The following PMM2 variants were observed in gnomAD, a reference collection of about 807,000 sequenced individuals.
The protein encoded by PMM2 is mannose-6-phosphate isomerase.
PMM2 carries 35 observed loss-of-function variants against 33.2 expected under a neutral mutation model. The ratio of observed to expected loss-of-function variants is 1.06; its 90% CI spans 0.81 to 1.40. The LOEUF (loss-of-function observed/expected upper bound fraction) is 1.40. Ranked by LOEUF, PMM2 falls within the 40% of genes most tolerant of loss-of-function variation. The pLI is 0.00. For missense variants in PMM2, 386 were observed against 306.0 expected, an observed-to-expected ratio of 1.26 and a Z score of -1.95; for synonymous variants, 153 against 114.7, an observed-to-expected ratio of 1.33 and a Z score of -2.13.
At chr16:8,813,804 G>A (rs1369924506) in intron 7 of PMM2, among the ~76,000 whole-genome samples, 1 of 150,922 alleles carries the variant, frequency 6.6e-6, no homozygotes, top group Non-Finnish European at 1.5e-5. Flanking sequence ...GCCATCAAAG[G>A]CCCAAGAGGA....
intron 6 of PMM2, 84 bp downstream of exon 6, chr16:8,811,797 G>A: frequency 1.1e-6 from 1 of 933,634 alleles, no homozygotes; most frequent in Non-Finnish European, 1.8e-6. Flanking sequence ...TGATAATGAA[G>A]TATGTGCAGT....
chr16:8,847,897 C>A lies in PMM2; in HGVS notation c.*72C>A. ...GCATTCGGTGGCCAGAGCCGAGGGT[C>A]CTCCCACACGTGCTCACCCACCCGC... On this transcript the variant is annotated 3_prime_UTR_variant, in exon 8 of 8. Coordinates refer to ENST00000268261, the MANE Select transcript of PMM2 (RefSeq NM_000303.3). 1 of 1,194,176 alleles carries A rather than the reference C, an allele frequency of 8.4e-7. No individual in the cohort carries two copies. Among genetic ancestry groups the A allele is most frequent in the South Asian group, 1.2e-5 (1 of 81,906 alleles). 74.0% of individuals were successfully genotyped at this position (1,194,176 alleles called of 1,614,324 possible).
chr16:8,819,686 C>G (rs1383701185), intron 7 of PMM2, among the ~76,000 whole-genome samples: 1 of 144,870 alleles, frequency 6.9e-6, no homozygotes, highest in Non-Finnish European at 1.5e-5. Context: ...CAGAGCGAGA[C>G]CTCGTCTCTT....
chr16:8,839,870 GGGAGAAA>G lies in PMM2; in HGVS notation c.640-7837_640-7831del, dbSNP rs1267227918. On this transcript the variant is annotated intron_variant, in intron 7 of 7. Coordinates refer to ENST00000268261, the MANE Select transcript of PMM2 (RefSeq NM_000303.3). ...GTGTTGTGAGAGGTCCGAATATGGG[GGGAGAAA>G]GGAGAAAGGAGAAAGGTTTTTTAAA... Among the ~76,000 whole-genome samples, 27 of 20,592 alleles carry G rather than the reference GGGAGAAA, an allele frequency of 1.3e-3. 1 individual carries two copies. The highest frequency in any genetic ancestry group is 2.5e-3 in the Non-Finnish European group (16 of 6,436). 13.5% of individuals were successfully genotyped at this position (20,592 alleles called of 152,430 possible). A position where few individuals can be genotyped will look rare whatever the true frequency, so the allele number is the denominator to read the frequency against.
At chr16:8,840,305 A>G (rs1418374075) in intron 7 of PMM2, among the ~76,000 whole-genome samples, 1 of 152,048 alleles carries the variant, frequency 6.6e-6, no homozygotes, top group Non-Finnish European at 1.5e-5. Flanking sequence ...AGCAAAGATC[A>G]TCTATCCACT....
At chr16:8,832,486 G>A (rs1019261739) in intron 7 of PMM2, 15 of 985,290 alleles carry the variant, frequency 1.5e-5, no homozygotes, top group Non-Finnish European at 1.8e-5. Context: ...GAGGAGACTC[G>A]TGCCGTTAGG....
intron 7 of PMM2, among the ~76,000 whole-genome samples, chr16:8,833,800 C>T (rs1423860585): frequency 6.6e-6 from 1 of 152,156 alleles, no homozygotes; most frequent in African/African-American, 2.4e-5. Context: ...TTGGGAGGAC[C>T]TATGACATCT....
At chr16:8,805,377 TG>T (rs2060641475) in intron 3 of PMM2, among the ~76,000 whole-genome samples, 1 of 152,004 alleles carries the variant, frequency 6.6e-6, no homozygotes, top group African/African-American at 2.4e-5. Flanking sequence ...CTTTTCTTCT[TG>T]TTTTAAAAAG....
At chr16:8,844,228 A>C (rs2141048414) in intron 7 of PMM2, among the ~76,000 whole-genome samples, 1 of 152,214 alleles carries the variant, frequency 6.6e-6, no homozygotes, top group East Asian at 1.9e-4. Flanking sequence ...AGAGGTTTTA[A>C]GTTCTTGAGA....
chr16:8,811,476 T>A (rs929257829), intron 5 of PMM2, among the ~76,000 whole-genome samples, 162 bp from the exon 6 acceptor site: 1 of 152,146 alleles, frequency 6.6e-6, no homozygotes, highest in African/African-American at 2.4e-5. Flanking sequence ...GCTATGATCA[T>A]GCCACTGCGC....
chr16:8,827,818 A>AAT (rs1177956061), intron 7 of PMM2, among the ~76,000 whole-genome samples: 1 of 105,124 alleles, frequency 9.5e-6, no homozygotes, highest in African/African-American at 3.6e-5. Flanking sequence ...ATATTTATAT[A>AAT]ATATATATTA....
chr16:8,841,296 T>C (rs1296874289), intron 7 of PMM2, among the ~76,000 whole-genome samples: 2 of 151,040 alleles, frequency 1.3e-5, no homozygotes, highest in African/African-American at 4.9e-5. Flanking sequence ...AACTGAGGAA[T>C]TATGTCTGAC....
rs1427060206 is a variant in PMM2, at chr16:8,848,944, TC to T, written c.*1121del. The T allele has an allele frequency of 6.6e-6, 1 of 152,252 alleles. No homozygotes were observed. Among genetic ancestry groups the T allele is most frequent in the East Asian group, 1.9e-4 (1 of 5,198 alleles). 9.4% of individuals were successfully genotyped at this position (152,252 alleles called of 1,614,324 possible). On this transcript the variant is annotated 3_prime_UTR_variant, in exon 8 of 8. Coordinates refer to ENST00000268261, the MANE Select transcript of PMM2 (RefSeq NM_000303.3). ...GCTAGAACACGGTGGAAGAGAACTT[TC>T]CTAGGAAACGGTTCATGTGTCACTT...
intron 7 of PMM2, among the ~76,000 whole-genome samples, chr16:8,813,857 CTTTTTTTT>C (rs148507269): frequency 2.2e-4 from 20 of 89,140 alleles, no homozygotes; most frequent in South Asian, 4.3e-4. Context: ...TTTTCTTTCT[CTTTTTTTT>C]TTTTTTTTTT....
At chr16:8,816,210 A>G (rs1475463783) in intron 7 of PMM2, among the ~76,000 whole-genome samples, 2 of 151,966 alleles carry the variant, frequency 1.3e-5, no homozygotes, top group Non-Finnish European at 2.9e-5. Flanking sequence ...CACTGCAACC[A>G]CTGCCTCCTG....
At chr16:8,799,553 C>CT (rs763337975) in intron 1 of PMM2, among the ~76,000 whole-genome samples, 3,655 of 99,936 alleles carry the variant, frequency 0.037, 134 homozygotes, top group African/African-American at 0.11. Flanking sequence ...AGTTCTGACT[C>CT]TTTTTTTTTT....
chr16:8,818,132 G>C (rs2060718039), intron 7 of PMM2, among the ~76,000 whole-genome samples: 1 of 152,148 alleles, frequency 6.6e-6, no homozygotes, highest in Non-Finnish European at 1.5e-5. Context: ...ATGATCTCCT[G>C]ACCTCGTGAT....
At chr16:8,812,148 T>C (rs11644321) in intron 6 of PMM2, among the ~76,000 whole-genome samples, 60,197 of 152,030 alleles carry the variant, frequency 0.4, 12,347 homozygotes, top group Non-Finnish European at 0.46. Flanking sequence ...CAAGGAACCT[T>C]AGGGGCCAAT....
chr16:8,834,147 G>T (rs1423419923), intron 7 of PMM2, among the ~76,000 whole-genome samples: 1 of 152,226 alleles, frequency 6.6e-6, no homozygotes, highest in East Asian at 1.9e-4. Context: ...GCATTCTGAG[G>T]ACAGGCCTGA....
Sources: allele counts gnomAD v4.1 joint callset (sites outside exome capture counted in the v4.1 genomes callset), GRCh38; gene constraint gnomAD v4.1.1; transcripts MANE v1.5; gene names NCBI Gene and HGNC (gene_info 2026-07-23, HGNC 2026-07-21).